PCDH7: variants seen among roughly 807,000 people sequenced by gnomAD.
PCDH7 encodes protocadherin 7.
In PCDH7, 17 loss-of-function variants were observed where a neutral mutation model predicts 58.9. The observed-to-expected ratio is 0.29, with a 90% confidence interval of 0.20 to 0.43. The LOEUF is 0.43. Ranked by LOEUF, PCDH7 falls within the 20% of genes least tolerant of loss-of-function variation. The pLI is 1.00. For synonymous variants in PCDH7, 664 were observed against 616.4 expected (o/e 1.08, Z -1.14); for missense variants, 1,274 against 1,441.0 (o/e 0.88, Z 1.88).
At chr4:30,762,293 C>T (rs6858230) in intron 1 of PCDH7, among the ~76,000 whole-genome samples, 82,256 of 151,810 alleles carry the variant, frequency 0.54, 22,897 homozygotes, top group African/African-American at 0.67. Flanking sequence ...AACATTATAA[C>T]AAATAATATA....
At chr4:30,903,643 C>G (rs1277156241) in intron 1 of PCDH7, among the ~76,000 whole-genome samples, 1 of 152,020 alleles carries the variant, frequency 6.6e-6, no homozygotes, top group Non-Finnish European at 1.5e-5. Context: ...AAAGATGAAT[C>G]ATGACTCAGA....
At chr4:31,084,442 G>A (rs1167509834) in intron 3 of PCDH7, among the ~76,000 whole-genome samples, 1 of 151,852 alleles carries the variant, frequency 6.6e-6, no homozygotes, top group African/African-American at 2.4e-5. Context: ...CGAGTGTAGT[G>A]TGTTAGTCTG....
intron 1 of PCDH7, among the ~76,000 whole-genome samples, chr4:30,786,305 G>A (rs893690233): frequency 1.3e-5 from 2 of 152,052 alleles, no homozygotes; most frequent in Non-Finnish European, 2.9e-5. Context: ...GAGATCTTAG[G>A]GATGTGCAAG....
rs78921877 is a variant in PCDH7 at position 30,744,613 on chromosome 4, G to A, written c.70+20017G>A. 4.9e-3 allele frequency among the ~76,000 whole-genome samples: 742 copies of A among 152,234 alleles called. 14 individuals carry two copies. In the East Asian group the frequency reaches 0.075, roughly 15 times the overall value. On this transcript the variant is annotated intron_variant, in intron 1 of 3. Coordinates refer to the PCDH7 transcript ENST00000509759. ...GGGAACCATATGTACCCTGAGGAAGGACTGACTGATTCCTAGAAAGGATGA... is the reference window on the plus strand; with the variant it reads ...GGGAACCATATGTACCCTGAGGAAGAACTGACTGATTCCTAGAAAGGATGA...
chr4:30,754,042 C>T (rs1244876652), intron 1 of PCDH7, among the ~76,000 whole-genome samples: 2 of 151,990 alleles, frequency 1.3e-5, no homozygotes, highest in Non-Finnish European at 2.9e-5. Flanking sequence ...ACATTGAAAC[C>T]CTATACACAC....
intron 1 of PCDH7, among the ~76,000 whole-genome samples, chr4:30,890,070 G>A (rs1738414319): frequency 1.3e-5 from 2 of 152,144 alleles, no homozygotes; most frequent in Non-Finnish European, 1.5e-5. Flanking sequence ...ATCAAATAAA[G>A]TATTGCTAGA....
chr4:30,840,589 G>GA (rs1028181102), intron 1 of PCDH7, among the ~76,000 whole-genome samples: 35 of 151,890 alleles, frequency 2.3e-4, no homozygotes, highest in African/African-American at 6.0e-4. Flanking sequence ...ACAATAATGA[G>GA]AAAAAAAATG....
intron 1 of PCDH7, among the ~76,000 whole-genome samples, chr4:30,823,866 G>C (rs1577943664): frequency 6.6e-6 from 1 of 152,042 alleles, no homozygotes; most frequent in Non-Finnish European, 1.5e-5. Flanking sequence ...TCTAATTTTA[G>C]GGTTATCATT....
intron 3 of PCDH7, among the ~76,000 whole-genome samples, chr4:31,040,734 A>G (rs902296307): frequency 6.6e-6 from 1 of 151,726 alleles, no homozygotes; most frequent in East Asian, 1.9e-4. Flanking sequence ...AAAAATACGA[A>G]CAATTTGAGT....
At chr4:30,891,595 G>A (rs1329073656) in intron 1 of PCDH7, among the ~76,000 whole-genome samples, 2 of 152,054 alleles carry the variant, frequency 1.3e-5, no homozygotes, top group African/African-American at 2.4e-5. Flanking sequence ...ACTTATCAGT[G>A]TGTCTGATCC....
chr4:31,114,445 T>G (rs1335503728), intron 3 of PCDH7, among the ~76,000 whole-genome samples: 1 of 152,154 alleles, frequency 6.6e-6, no homozygotes, highest in Non-Finnish European at 1.5e-5. Flanking sequence ...CTATGTAAAA[T>G]GATCACAATT....
At chr4:31,033,232 C>G (rs1755109639) in intron 3 of PCDH7, among the ~76,000 whole-genome samples, 1 of 152,148 alleles carries the variant, frequency 6.6e-6, no homozygotes. Context: ...CGGATGGTAT[C>G]TTACAGCAAC....
intron 1 of PCDH7, among the ~76,000 whole-genome samples, chr4:30,869,936 C>G (rs1735348651): frequency 6.6e-6 from 1 of 152,164 alleles, no homozygotes; most frequent in African/African-American, 2.4e-5. Flanking sequence ...CACATCCTCT[C>G]CAGCATATGT....
intron 3 of PCDH7, among the ~76,000 whole-genome samples, chr4:31,024,764 CAG>C (rs1287224038): frequency 1.3e-5 from 2 of 152,016 alleles, no homozygotes; most frequent in African/African-American, 2.4e-5. Flanking sequence ...TTTTTTGAGA[CAG>C]AGTCTCACTC....
At chr4:31,044,846 T>G (rs2109210560) in intron 3 of PCDH7, among the ~76,000 whole-genome samples, 1 of 152,188 alleles carries the variant, frequency 6.6e-6, no homozygotes, top group Admixed American at 6.5e-5. Flanking sequence ...GGAGATAAAG[T>G]TAGTTACTTT....
intron 3 of PCDH7, among the ~76,000 whole-genome samples, chr4:31,112,093 G>A (rs968480983): frequency 3.3e-5 from 5 of 152,134 alleles, no homozygotes; most frequent in African/African-American, 1.2e-4. Flanking sequence ...TGTTAACTGA[G>A]ATATTTATTT....
At chr4:31,134,814 G>C (rs549378655) in intron 3 of PCDH7, among the ~76,000 whole-genome samples, 2 of 152,240 alleles carry the variant, frequency 1.3e-5, no homozygotes, top group South Asian at 4.1e-4. Flanking sequence ...CATCTGCAAA[G>C]AGGCTAGACC....
chr4:30,794,302 C>T (rs1724513072), intron 1 of PCDH7, among the ~76,000 whole-genome samples: 1 of 152,168 alleles, frequency 6.6e-6, no homozygotes, highest in South Asian at 2.1e-4. Context: ...TTTTAAAGAT[C>T]TAATATCCAA....
intron 3 of PCDH7, among the ~76,000 whole-genome samples, chr4:30,965,892 G>C (rs1438313991): frequency 6.6e-6 from 1 of 152,044 alleles, no homozygotes; most frequent in African/African-American, 2.4e-5. Context: ...AGTTATTATG[G>C]ATAATCTTCA....
Sources: gnomAD v4.1 joint callset for allele counts (sites outside exome capture counted in the v4.1 genomes callset) on GRCh38, gnomAD v4.1.1 for gene constraint, MANE v1.5 for transcripts, NCBI Gene and HGNC (gene_info 2026-07-23, HGNC 2026-07-21) for gene names.